The following MICOS10 variants were observed in gnomAD, a reference collection of about 807,000 sequenced individuals.
The protein encoded by MICOS10 is mitochondrial contact site and cristae organizing system subunit 10.
A neutral mutation model predicts 13.4 loss-of-function variants in MICOS10; 5 were observed. The ratio of observed to expected loss-of-function variants is 0.37; its 90% CI spans 0.20 to 0.78. The LOEUF (loss-of-function observed/expected upper bound fraction) is 0.78, where lower values mean the gene tolerates loss of function less well. Ranked by LOEUF, MICOS10 falls within the 30% of genes least tolerant of loss-of-function variation. The pLI, the probability that MICOS10 is intolerant of heterozygous loss-of-function variation, is 0.47. For missense variants in MICOS10, 101 were observed against 94.6 expected (o/e 1.07, Z -0.28); for synonymous variants, 35 against 33.6 (o/e 1.04, Z -0.15).
Position 19,626,461 on chromosome 1 carries a change from A to G in MICOS10, c.*60A>G. 6.3e-7 allele frequency: 1 copy of G among 1,590,434 alleles called. No homozygotes were observed. The highest frequency in any genetic ancestry group is 2.2e-5 in the East Asian group (1 of 44,774). Reference sequence around the variant, plus strand: ...GAAATCATGTTTATTCCTCAGGAATACTGAAGTGCCCTGGAGTAAGCTGCC... The same window carrying G: ...GAAATCATGTTTATTCCTCAGGAATGCTGAAGTGCCCTGGAGTAAGCTGCC... On this transcript the variant is annotated 3_prime_UTR_variant, in exon 4 of 4. Transcript: ENST00000322753.
At chr1:19,605,930 A>C (rs948993967) in intron 1 of MICOS10, among the ~76,000 whole-genome samples, 1 of 152,164 alleles carries the variant, frequency 6.6e-6, no homozygotes, top group African/African-American at 2.4e-5. Context: ...TTGTGTGGCA[A>C]TTCTATGTTT....
intron 1 of MICOS10, chr1:19,608,582 A>C: frequency 1.2e-6 from 1 of 805,910 alleles, no homozygotes; most frequent in East Asian, 2.4e-5. Context: ...AGATTCCTCA[A>C]AATATTTTCT....
At chr1:19,610,367 C>CTTTTTTTT (rs773668659) in intron 1 of MICOS10, among the ~76,000 whole-genome samples, 14 of 11,922 alleles carry the variant, frequency 1.2e-3, no homozygotes, top group African/African-American at 2.6e-3. Context: ...CACCCCCCGG[C>CTTTTTTTT]TTTTTTTTTT....
At chr1:19,617,908 T>A (rs12754816) in intron 1 of MICOS10, among the ~76,000 whole-genome samples, 11,198 of 148,664 alleles carry the variant, frequency 0.075, 532 homozygotes, top group African/African-American at 0.14. Flanking sequence ...TATTAAAAAA[T>A]ATATATATAT....
chr1:19,605,405 A>G (rs976674558), intron 1 of MICOS10, among the ~76,000 whole-genome samples: 24 of 152,250 alleles, frequency 1.6e-4, no homozygotes, highest in South Asian at 1.2e-3. Flanking sequence ...AGCTGCTCCT[A>G]TTCCCAAACT....
At chr1:19,606,365 C>T (rs1007859248) in intron 1 of MICOS10, among the ~76,000 whole-genome samples, 1 of 152,156 alleles carries the variant, frequency 6.6e-6, no homozygotes, top group African/African-American at 2.4e-5. Context: ...TTATATGCAG[C>T]TCAGTTAACA....
chr1:19,608,049 T>A, intron 1 of MICOS10: 1 of 757,610 alleles, frequency 1.3e-6, no homozygotes, highest in Non-Finnish European at 2.4e-6. Flanking sequence ...GACCTAAATA[T>A]AAAAGCTAAA....
At chr1:19,622,202 C>A in intron 2 of MICOS10, 55 bp downstream of exon 2, 1 of 1,430,626 alleles carries the variant, frequency 7.0e-7, no homozygotes, top group Non-Finnish European at 9.8e-7. Context: ...ATATACGTAG[C>A]AGGGACACTT....
At chr1:19,604,906 A>G (rs185674753) in intron 1 of MICOS10, among the ~76,000 whole-genome samples, 82 of 152,336 alleles carry the variant, frequency 5.4e-4, no homozygotes, top group African/African-American at 1.8e-3. Context: ...AAGGTGTCCC[A>G]AAGGAGAGGG....
At chr1:19,617,380 A>G (rs2094888203) in intron 1 of MICOS10, 7 of 855,024 alleles carry the variant, frequency 8.2e-6, no homozygotes, top group African/African-American at 3.6e-5. Context: ...TGTTTCCTAA[A>G]TGCTCTTTGT....
chr1:19,611,122 T>C (rs2094859116), intron 1 of MICOS10, among the ~76,000 whole-genome samples: 1 of 152,006 alleles, frequency 6.6e-6, no homozygotes, highest in African/African-American at 2.4e-5. Context: ...TGGCCACTTT[T>C]TGTATTTTTA....
At chr1:19,612,399 T>C (rs1057486876) in intron 1 of MICOS10, among the ~76,000 whole-genome samples, 8 of 151,720 alleles carry the variant, frequency 5.3e-5, no homozygotes, top group African/African-American at 1.9e-4. Flanking sequence ...AGAGGTTTTT[T>C]ATGGGGCTTG....
chr1:19,621,246 T>C (rs1160381190), intron 1 of MICOS10, among the ~76,000 whole-genome samples: 1 of 152,212 alleles, frequency 6.6e-6, no homozygotes, highest in African/African-American at 2.4e-5. Flanking sequence ...CAACTTCTTG[T>C]GTCTGTGACT....
At chr1:19,625,460 A>T in intron 3 of MICOS10, 1 of 1,289,444 alleles carries the variant, frequency 7.8e-7, no homozygotes, top group Middle Eastern at 2.1e-4. Flanking sequence ...TAGGGGAGCC[A>T]TCTCTGCACC....
intron 1 of MICOS10, 29 bp downstream of exon 1, chr1:19,597,138 G>T (rs755486207): frequency 6.3e-7 from 1 of 1,596,014 alleles, no homozygotes; most frequent in East Asian, 2.4e-5. Context: ...CAGCAGGCCC[G>T]GCCGGTGCAG....
rs368915289 is a variant in MICOS10 at position 19,628,910 on chromosome 1, C to T, written c.*2509C>T. The stretch of plus-strand genomic sequence containing the variant: ...CTTTAGGCATTTATTTGGATGGATC[C>T]CTTTGGCACCTTGGAAGCACCACTG... On this transcript the variant is annotated 3_prime_UTR_variant, in exon 4 of 4. Transcript: ENST00000322753. 2.0e-5 allele frequency: 3 copies of T among 152,294 alleles called. 1 individual carries two copies. 9.4% of individuals were successfully genotyped at this position (152,294 alleles called of 1,614,324 possible). A position where few individuals can be genotyped will look rare whatever the true frequency, so the allele number is the denominator to read the frequency against.
rs141659482 is a variant in MICOS10 at position 19,602,770 on chromosome 1, T to A, written c.64+5661T>A. 6.7e-3 allele frequency among the ~76,000 whole-genome samples: 1,028 copies of A among 152,320 alleles called. 16 individuals carry two copies. The highest frequency in any genetic ancestry group is 0.023 in the African/African-American group (964 of 41,570). ...TGTATGTATGGGTAATCTGTCTTAG[T>A]ACCCATGAGCATGAATAAGTCACAC... On this transcript the variant is annotated intron_variant, in intron 1 of 3. Transcript: ENST00000322753.
intron 1 of MICOS10, among the ~76,000 whole-genome samples, chr1:19,603,507 G>A (rs1037933816): frequency 3.3e-5 from 5 of 152,158 alleles, no homozygotes; most frequent in Admixed American, 6.5e-5. Context: ...GCCAGAGGAC[G>A]CTTTGAGGAA....
chr1:19,622,928 T>C (rs1009690754), intron 2 of MICOS10, among the ~76,000 whole-genome samples: 3 of 150,440 alleles, frequency 2.0e-5, no homozygotes, highest in African/African-American at 4.9e-5. Context: ...TACTTTTTTT[T>C]TTTTTTTTTT....
Sources: allele counts gnomAD v4.1 joint callset (sites outside exome capture counted in the v4.1 genomes callset), GRCh38; gene constraint gnomAD v4.1.1; transcripts MANE v1.5; gene names NCBI Gene and HGNC (gene_info 2026-07-23, HGNC 2026-07-21).